The following ERCC6 variants were observed in gnomAD, a reference collection of about 807,000 sequenced individuals.
ERCC6 encodes ERCC excision repair 6, chromatin remodeling factor.
A neutral mutation model predicts 158.7 loss-of-function variants in ERCC6; 116 were observed. The ratio of observed to expected loss-of-function variants is 0.73; its 90% CI spans 0.63 to 0.85. ERCC6 has a LOEUF of 0.85. ERCC6 is among the 40% of genes least tolerant of loss of function. The pLI, the probability that ERCC6 is intolerant of heterozygous loss-of-function variation, is 0.00. For missense variants in ERCC6, 1,698 were observed against 1,799.4 expected (o/e 0.94, Z 1.02); for synonymous variants, 678 against 659.3 (o/e 1.03, Z -0.43).
At chr10:49,474,390 G>C in intron 12 of ERCC6, 148 bp from the exon 13 acceptor site, 1 of 674,636 alleles carries the variant, frequency 1.5e-6, no homozygotes, top group Non-Finnish European at 2.6e-6. Context: ...GCATTATCAT[G>C]AGCTGGGAGA....
chr10:49,480,649 G>A (rs1447901534), intron 10 of ERCC6, among the ~76,000 whole-genome samples: 2 of 152,188 alleles, frequency 1.3e-5, no homozygotes, highest in East Asian at 1.9e-4. Flanking sequence ...AAGGAGAAGT[G>A]GTAATCTCAC....
intron 16 of ERCC6, 43 bp from the exon 17 acceptor site, chr10:49,471,163 T>C (rs375221680): frequency 4.8e-5 from 77 of 1,600,726 alleles, no homozygotes; most frequent in Non-Finnish European, 6.2e-5. Context: ...AATGTGTAGC[T>C]CTACCTAAAA....
In ERCC6 at chr10:49,473,508, G is replaced by A. The variant is rs1373327479; in HGVS notation, c.2678C>T (p.Ser893Leu). The change falls in exon 14 of 21, where the codon TCA (serine) becomes TTA (leucine). Residue 893 changes from serine (S) to leucine (L), a missense_variant. Physicochemically the swap from Ser to Leu is moderately radical, Grantham distance 145. Coordinates refer to ENST00000355832, the MANE Select transcript of ERCC6 (RefSeq NM_000124.4). Reference sequence around the variant, plus strand: ...GTATCTCGTAATCAGTGGCTGTCTTGAAGCTATTGTAGTGGTACCATCCAT... The same window carrying A: ...GTATCTCGTAATCAGTGGCTGTCTTAAAGCTATTGTAGTGGTACCATCCAT... ...LKMDGTTTIA[S>L]RQPLITRYNE... 1.2e-6 allele frequency: 2 copies of A among 1,612,302 alleles called. No homozygotes were observed. The highest frequency in any genetic ancestry group is 2.7e-5 in the African/African-American group (2 of 74,982).
At position 49,478,445 on chromosome 10, in the gene ERCC6, C is replaced by A; in HGVS notation, c.2195G>T (p.Cys732Phe). 6.2e-7 allele frequency: 1 copy of A among 1,613,012 alleles called. No homozygotes were observed. Residue 732 changes from cysteine to phenylalanine, a missense_variant, in exon 11 of 21, where the codon TGT becomes TTT. Physicochemically the swap from Cys to Phe is radical, Grantham distance 205 (BLOSUM62 -2). Transcript: ENST00000355832. ...TGGATTTATGGTATCTCGTAAGACACATGCACACTTGTAAGCAGTTTTGAC... is the reference window on the plus strand; with the variant it reads ...TGGATTTATGGTATCTCGTAAGACAAATGCACACTTGTAAGCAGTTTTGAC... ...VQVKTAYKCA[C>F]VLRDTINPYL... is the part of the protein sequence containing the mutation.
chr10:49,461,271 A>T, intron 19 of ERCC6, 81 bp downstream of exon 19: 1 of 1,364,310 alleles, frequency 7.3e-7, no homozygotes, highest in East Asian at 2.3e-5. Flanking sequence ...TAACAGTATA[A>T]GCCTCCACAC....
intron 7 of ERCC6, among the ~76,000 whole-genome samples, chr10:49,493,773 C>T (rs1287624366): frequency 6.6e-6 from 1 of 152,144 alleles, no homozygotes; most frequent in African/African-American, 2.4e-5. Flanking sequence ...GACATGGCTA[C>T]CAGGGGACAG....
intron 5 of ERCC6, among the ~76,000 whole-genome samples, chr10:49,511,206 A>G (rs1377382490): frequency 6.6e-6 from 1 of 152,142 alleles, no homozygotes; most frequent in Non-Finnish European, 1.5e-5. Context: ...TTTGCTCCCA[A>G]GCTTCCCCAG....
chr10:49,506,073 T>A, intron 5 of ERCC6, 61 bp from the exon 6 acceptor site: 1 of 1,595,012 alleles, frequency 6.3e-7, no homozygotes, highest in Non-Finnish European at 8.6e-7. Context: ...TTTAAAAAGA[T>A]AGCTCCTGAT....
At chr10:49,439,159 C>T in the ERCC6 span, among the ~76,000 whole-genome samples, 21 of 152,376 alleles carry the variant, frequency 1.4e-4, no homozygotes, top group African/African-American at 5.0e-4. Flanking sequence ...GGGGCCCTGA[C>T]TCCACATTTC....
Position 49,514,768 on chromosome 10 carries a change from T to C in ERCC6, c.1398-8756A>G, listed in dbSNP as rs951690477. On this transcript the variant is annotated intron_variant, in intron 5 of 20. Coordinates refer to ENST00000355832, the MANE Select transcript of ERCC6 (RefSeq NM_000124.4). Reference sequence around the variant, plus strand: ...ATATATTCAGGCACCAAGCTGGGTATTTAATATAGTTTGCATTCTGTAGTA... The same window carrying C: ...ATATATTCAGGCACCAAGCTGGGTACTTAATATAGTTTGCATTCTGTAGTA... 1.1e-4 allele frequency among the ~76,000 whole-genome samples: 17 copies of C among 152,204 alleles called. 1 individual carries two copies. Among genetic ancestry groups the C allele is most frequent in the African/African-American group, 3.1e-4 (13 of 41,448 alleles).
intron 10 of ERCC6, among the ~76,000 whole-genome samples, chr10:49,480,811 C>T (rs1421416508): frequency 6.6e-6 from 1 of 152,140 alleles, no homozygotes; most frequent in Non-Finnish European, 1.5e-5. Flanking sequence ...TAACCTGAAT[C>T]CAATCATGAA....
the ERCC6 span, among the ~76,000 whole-genome samples, chr10:49,438,395 G>C: frequency 6.6e-6 from 1 of 152,092 alleles, no homozygotes; most frequent in Non-Finnish European, 1.5e-5. Flanking sequence ...TAGAAAAAGT[G>C]GAAACCCCTG....
downstream of ERCC6, among the ~76,000 whole-genome samples, chr10:49,454,002 AT>A (rs1850449309): frequency 6.6e-6 from 1 of 152,152 alleles, no homozygotes; most frequent in Non-Finnish European, 1.5e-5. Context: ...TTTTCAATCA[AT>A]TTGGAGAGTT....
chr10:49,482,961 C>T, intron 9 of ERCC6, 98 bp from the exon 10 acceptor site: 1 of 1,285,184 alleles, frequency 7.8e-7, no homozygotes, highest in Non-Finnish European at 1.1e-6. Context: ...TACACATTTA[C>T]TCATCATTCT....
At chr10:49,513,788 C>A (rs550699937) in intron 5 of ERCC6, among the ~76,000 whole-genome samples, 1 of 152,110 alleles carries the variant, frequency 6.6e-6, no homozygotes. Flanking sequence ...GACTACAATT[C>A]AAGATGAGAT....
chr10:49,472,328 C>T (rs781128107), intron 16 of ERCC6, 48 bp downstream of exon 16: 1 of 1,529,854 alleles, frequency 6.5e-7, no homozygotes, highest in Non-Finnish European at 9.1e-7. Flanking sequence ...ATTCCCTGCT[C>T]AAGACTCTGG....
At position 49,477,141 on chromosome 10, in the gene ERCC6, G is replaced by A. The variant is rs4253183; in HGVS notation, c.2287-831C>T. Among the ~76,000 whole-genome samples the A allele has an allele frequency of 1.4e-3, 219 of 152,138 alleles. 2 individuals carry two copies. Among genetic ancestry groups the A allele is most frequent in the Admixed American group, 4.6e-3 (71 of 15,278 alleles). On this transcript the variant is annotated intron_variant, in intron 11 of 20. Transcript: ENST00000355832. ...ATGCTCCTCACCACCCAAGCCACCC[G>A]CAACTCTGTCTCAACTTCTACTTAA... is the stretch of plus-strand genomic sequence containing the variant.
Position 49,458,934 on chromosome 10 carries a change from C to T in ERCC6, c.4363G>A (p.Glu1455Lys), listed in dbSNP as rs1850527104. 1.9e-6 allele frequency: 3 copies of T among 1,614,164 alleles called. No homozygotes were observed. Among genetic ancestry groups the T allele is most frequent in the Non-Finnish European group, 2.5e-6 (3 of 1,180,038 alleles). Reference sequence around the variant, plus strand: ...GACTGTGATGCAGATAACTTGGATTCAAACTCCTGCAGTATCTCCCTGGTG... The same window carrying T: ...GACTGTGATGCAGATAACTTGGATTTAAACTCCTGCAGTATCTCCCTGGTG... ...ASTREILQEF[E>K]SKLSASQSCV... is the part of the protein sequence containing the mutation. The change falls in exon 21 of 21, where the codon GAA becomes AAA. Residue 1455 changes from glutamate to lysine, a missense_variant. Coordinates refer to ENST00000355832, the MANE Select transcript of ERCC6 (RefSeq NM_000124.4).
the ERCC6 span, among the ~76,000 whole-genome samples, chr10:49,436,749 C>CA: frequency 6.6e-6 from 1 of 152,170 alleles, no homozygotes; most frequent in Non-Finnish European, 1.5e-5. Context: ...GAGACAACCT[C>CA]ACTCATGTGT....
Sources: allele counts gnomAD v4.1 joint callset (sites outside exome capture counted in the v4.1 genomes callset), GRCh38; gene constraint gnomAD v4.1.1; transcripts MANE v1.5; gene names NCBI Gene and HGNC (gene_info 2026-07-23, HGNC 2026-07-21).